PRRX2: variants seen among roughly 807,000 people sequenced by gnomAD.
The protein encoded by PRRX2 is paired mesoderm homeobox protein 2.
In PRRX2, 11 loss-of-function variants were observed where a neutral mutation model predicts 18.0. That is an observed-to-expected ratio of 0.61 (90% CI 0.39 to 1.01). The LOEUF (loss-of-function observed/expected upper bound fraction) is 1.01. Ranked by LOEUF, PRRX2 falls within the 50% of genes least tolerant of loss-of-function variation. The pLI is 0.01. For synonymous variants in PRRX2, 177 were observed against 154.8 expected, an observed-to-expected ratio of 1.14 and a Z score of -1.06; for missense variants, 387 against 351.0, an observed-to-expected ratio of 1.10 and a Z score of -0.82.
intron 1 of PRRX2, among the ~76,000 whole-genome samples, chr9:129,692,225 C>T (rs1832369371): frequency 6.6e-6 from 1 of 152,118 alleles, no homozygotes; most frequent in Admixed American, 6.6e-5. Context: ...GCTGGGATTA[C>T]AGGCATGAGC....
chr9:129,669,056 A>AG, intron 1 of PRRX2, among the ~76,000 whole-genome samples: 2 of 147,996 alleles, frequency 1.4e-5, no homozygotes, highest in African/African-American at 5.0e-5. Context: ...CTGAGGCAGG[A>AG]GAAAAAAAAA....
At chr9:129,700,006 C>T (rs1832474124) in intron 1 of PRRX2, among the ~76,000 whole-genome samples, 1 of 152,212 alleles carries the variant, frequency 6.6e-6, no homozygotes, top group South Asian at 2.1e-4. Flanking sequence ...CAAAGCTGCA[C>T]AGCCAATATA....
At chr9:129,673,471 C>G (rs1037664223) in intron 1 of PRRX2, among the ~76,000 whole-genome samples, 1 of 152,154 alleles carries the variant, frequency 6.6e-6, no homozygotes, top group African/African-American at 2.4e-5. Flanking sequence ...AATAAAAAAA[C>G]GAAACAAACA....
intron 1 of PRRX2, among the ~76,000 whole-genome samples, chr9:129,684,516 A>T (rs112465542): frequency 3.0e-5 from 1 of 33,668 alleles, no homozygotes; most frequent in Non-Finnish European, 7.0e-5. Context: ...ACACACACAC[A>T]CACACACCCA....
intron 1 of PRRX2, among the ~76,000 whole-genome samples, chr9:129,679,690 T>C (rs1051004039): frequency 2.0e-5 from 3 of 152,126 alleles, no homozygotes; most frequent in African/African-American, 7.2e-5. Context: ...GTAAGAAGGT[T>C]CCATAACGCT....
At chr9:129,702,003 A>C (rs1832504118) in intron 1 of PRRX2, among the ~76,000 whole-genome samples, 1 of 152,186 alleles carries the variant, frequency 6.6e-6, no homozygotes, top group African/African-American at 2.4e-5. Context: ...CAGGAGGCTG[A>C]GGCAGGAGAA....
chr9:129,687,965 T>C (rs1832315906), intron 1 of PRRX2, among the ~76,000 whole-genome samples: 1 of 151,982 alleles, frequency 6.6e-6, no homozygotes, highest in African/African-American at 2.4e-5. Flanking sequence ...GTGCAATCAC[T>C]GCTCACCGCA....
rs772649353 is a variant in PRRX2 at position 129,720,583 on chromosome 9, C to T, written c.448-13C>T. 3 of 1,594,274 alleles carry T rather than the reference C, an allele frequency of 1.9e-6. No homozygotes were observed. The highest frequency in any genetic ancestry group is 2.6e-6 in the Non-Finnish European group (3 of 1,169,096). Reference sequence around the variant, plus strand: ...CTGCCCATGCTGCACCCTGCTCACCCTCCCACCCACAGGTCTGGTTTCAGA... The same window carrying T: ...CTGCCCATGCTGCACCCTGCTCACCTTCCCACCCACAGGTCTGGTTTCAGA... On this transcript the variant is annotated splice_polypyrimidine_tract_variant and intron_variant, in intron 2 of 3. Transcript: ENST00000372469.
intron 1 of PRRX2, among the ~76,000 whole-genome samples, chr9:129,666,869 C>T (rs61356107): frequency 6.6e-6 from 1 of 151,980 alleles, no homozygotes; most frequent in Non-Finnish European, 1.5e-5. Context: ...GATGGGGGCC[C>T]GGTGATCTGA....
intron 1 of PRRX2, among the ~76,000 whole-genome samples, chr9:129,703,347 C>T (rs11787632): frequency 0.028 from 4,334 of 152,322 alleles, 84 homozygotes; most frequent in Non-Finnish European, 0.042. Flanking sequence ...GTCCTGGCTG[C>T]AGACTATGAG....
Position 129,695,015 on chromosome 9 carries a change from G to A in PRRX2, c.260-24216G>A, listed in dbSNP as rs184360451. On this transcript the variant is annotated intron_variant, in intron 1 of 3. Transcript: ENST00000372469. This position sits in a 1 kb window ranked among gnomAD's most constrained non-coding sequence, Gnocchi z 4.8. ...CCATGGAGGAGGAATGGGGCGAGCT[G>A]CAGGCTGGCTCAGAGGGGTCTGGGG... is the stretch of plus-strand genomic sequence containing the variant. Among the ~76,000 whole-genome samples the A allele has an allele frequency of 1.3e-5, 2 of 152,328 alleles. No individual in the cohort carries two copies. The highest frequency in any genetic ancestry group is 4.8e-5 in the African/African-American group (2 of 41,570).
At chr9:129,678,774 A>G (rs1832192022) in intron 1 of PRRX2, among the ~76,000 whole-genome samples, 1 of 151,520 alleles carries the variant, frequency 6.6e-6, no homozygotes, top group Admixed American at 6.6e-5. Context: ...CAGAGTGGCC[A>G]CTCACTCCGG....
chr9:129,702,097 T>C (rs1453190296), intron 1 of PRRX2, among the ~76,000 whole-genome samples: 3 of 150,556 alleles, frequency 2.0e-5, no homozygotes, highest in African/African-American at 7.4e-5. Flanking sequence ...TGAAACTCCG[T>C]CTCAAAACTT....
At position 129,671,194 on chromosome 9, in the gene PRRX2, T is replaced by A. The variant is rs1428370137; in HGVS notation, c.259+5068T>A. Among the ~76,000 whole-genome samples, 4 of 152,132 alleles carry A rather than the reference T, an allele frequency of 2.6e-5. No individual in the cohort carries two copies. Among genetic ancestry groups the A allele is most frequent in the East Asian group, 1.9e-4 (1 of 5,176 alleles). On this transcript the variant is annotated intron_variant, in intron 1 of 3. Transcript: ENST00000372469. The surrounding 1 kb of genome is among the most constrained non-coding windows in gnomAD (Gnocchi z 4.0). ...GTGCCTGGACCCTCAGATGATCATGTCTCAGCAGGAGCCGGGGAGCAGGGA... is the reference window on the plus strand; with the variant it reads ...GTGCCTGGACCCTCAGATGATCATGACTCAGCAGGAGCCGGGGAGCAGGGA...
chr9:129,693,576 C>T (rs1017204769), intron 1 of PRRX2, among the ~76,000 whole-genome samples: 3 of 144,136 alleles, frequency 2.1e-5, no homozygotes, highest in East Asian at 2.0e-4. Flanking sequence ...CCAGCCTGGG[C>T]GACAAGAGCG....
chr9:129,670,173 C>T (rs1832082068), intron 1 of PRRX2, among the ~76,000 whole-genome samples: 1 of 151,386 alleles, frequency 6.6e-6, no homozygotes, highest in Non-Finnish European at 1.5e-5. Context: ...GAGTCTCCTT[C>T]CTTCTGAAGG....
chr9:129,719,427 T>A lies in PRRX2; in HGVS notation c.447+9T>A. 6.6e-7 allele frequency: 1 copy of A among 1,516,420 alleles called. No individual in the cohort carries two copies. The highest frequency in any genetic ancestry group is 1.2e-5 in the South Asian group (1 of 81,308). 93.9% of individuals were successfully genotyped at this position (1,516,420 alleles called of 1,614,324 possible). On this transcript the variant is annotated intron_variant, in intron 2 of 3. Transcript: ENST00000372469. ...GCGAGGCGCGCGTTCAGGTGAGCGCTCAGTCCCGGGCCTCCCGTGGGAGCG... is the reference window on the plus strand; with the variant it reads ...GCGAGGCGCGCGTTCAGGTGAGCGCACAGTCCCGGGCCTCCCGTGGGAGCG...
At chr9:129,685,986 A>G (rs1588165529) in intron 1 of PRRX2, among the ~76,000 whole-genome samples, 1 of 152,196 alleles carries the variant, frequency 6.6e-6, no homozygotes, top group Non-Finnish European at 1.5e-5. Context: ...AGTGTTGTCT[A>G]AGAAGAGAGG....
chr9:129,691,497 T>C lies in PRRX2; in HGVS notation c.259+25371T>C, dbSNP rs115566004. Among the ~76,000 whole-genome samples the C allele has an allele frequency of 3.7e-3, 570 of 152,250 alleles. 3 individuals carry two copies. The highest frequency in any genetic ancestry group is 0.013 in the African/African-American group (536 of 41,550). On this transcript the variant is annotated intron_variant, in intron 1 of 3. Transcript: ENST00000372469. ...GGATGGTAGGAATACCACACACTGG[T>C]GGGCTTTAGGGCACCTCTTCTCGAT...
Sources: gnomAD v4.1 joint callset for allele counts (sites outside exome capture counted in the v4.1 genomes callset) on GRCh38, gnomAD v4.1.1 for gene constraint, Gnocchi (gnomAD v3.1) non-coding constraint, MANE v1.5 for transcripts, NCBI Gene and HGNC (gene_info 2026-07-23, HGNC 2026-07-21) for gene names.